SLC14A2: variants seen among roughly 807,000 people sequenced by gnomAD.
The protein encoded by SLC14A2 is solute carrier family 14 member 2.
SLC14A2 carries 91 observed loss-of-function variants against 104.6 expected under a neutral mutation model. That is an observed-to-expected ratio of 0.87 (90% CI 0.73 to 1.04). The LOEUF is 1.04. SLC14A2 is among the 50% of genes least tolerant of loss of function. The pLI is 0.00. For synonymous variants in SLC14A2, 476 were observed against 466.4 expected, an observed-to-expected ratio of 1.02 and a Z score of -0.27; for missense variants, 1,189 against 1,156.0, an observed-to-expected ratio of 1.03 and a Z score of -0.41.
chr18:45,379,370 T>C (rs1291328047), intron 1 of SLC14A2, among the ~76,000 whole-genome samples: 1 of 152,312 alleles, frequency 6.6e-6, no homozygotes, highest in South Asian at 2.1e-4. Flanking sequence ...TGAAAGTCTA[T>C]TTTCTCTTCT....
chr18:45,348,802 C>A (rs1228940227), intron 1 of SLC14A2, among the ~76,000 whole-genome samples: 1 of 152,202 alleles, frequency 6.6e-6, no homozygotes, highest in Non-Finnish European at 1.5e-5. Context: ...AAAGCAAAGA[C>A]TGATAGTTCA....
chr18:45,201,412 A>G, the SLC14A2 span, among the ~76,000 whole-genome samples: 3 of 152,084 alleles, frequency 2.0e-5, no homozygotes, highest in Non-Finnish European at 4.4e-5. Context: ...TTAATAACTC[A>G]TTTATATCGG....
At chr18:45,268,319 G>C (rs1004644360) in intron 1 of SLC14A2, among the ~76,000 whole-genome samples, 62 of 152,198 alleles carry the variant, frequency 4.1e-4, no homozygotes, top group African/African-American at 1.4e-3. Flanking sequence ...TATAGGAGAA[G>C]TAGAAGAAAG....
intron 1 of SLC14A2, among the ~76,000 whole-genome samples, chr18:45,277,412 AGTTT>A (rs1461436042): frequency 6.6e-6 from 1 of 152,182 alleles, no homozygotes; most frequent in Admixed American, 6.6e-5. Flanking sequence ...CATAGTAGTT[AGTTT>A]TTCTTTTTTT....
At chr18:45,480,707 T>A (rs2087475907) in intron 1 of SLC14A2, among the ~76,000 whole-genome samples, 1 of 152,210 alleles carries the variant, frequency 6.6e-6, no homozygotes, top group Admixed American at 6.5e-5. Flanking sequence ...CCTGGGGGCC[T>A]GCATGGGCTT....
At chr18:45,191,625 C>T in the SLC14A2 span, among the ~76,000 whole-genome samples, 2 of 152,174 alleles carry the variant, frequency 1.3e-5, no homozygotes, top group Admixed American at 1.3e-4. Flanking sequence ...CTTTTGTCTC[C>T]ACAAACTAGG....
At chr18:45,451,806 G>C (rs1278201911) in intron 1 of SLC14A2, among the ~76,000 whole-genome samples, 1 of 152,214 alleles carries the variant, frequency 6.6e-6, no homozygotes, top group East Asian at 1.9e-4. Flanking sequence ...TAAGAATTAT[G>C]GTTCAGCAAC....
intron 1 of SLC14A2, among the ~76,000 whole-genome samples, chr18:45,445,741 T>C (rs1026051930): frequency 6.6e-6 from 1 of 152,126 alleles, no homozygotes; most frequent in Non-Finnish European, 1.5e-5. Flanking sequence ...ACAGATGGAG[T>C]AGGCAGTTGC....
intron 2 of SLC14A2, among the ~76,000 whole-genome samples, chr18:45,599,955 C>T (rs926699921): frequency 1.3e-5 from 2 of 152,086 alleles, no homozygotes; most frequent in Admixed American, 6.5e-5. Context: ...CCCCATGAGT[C>T]ACCAGGTCCC....
chr18:45,387,418 A>G lies in SLC14A2; in HGVS notation c.-124-95815A>G, dbSNP rs563720961. Among the ~76,000 whole-genome samples the G allele has an allele frequency of 1.6e-3, 242 of 152,316 alleles. 2 individuals carry two copies. The highest frequency in any genetic ancestry group is 3.0e-3 in the Non-Finnish European group (204 of 68,014). Reference sequence around the variant, plus strand: ...CACAAGTAAGGAGAAACAGATATTTATGAGAATGACTGATGGTTACCACAC... The same window carrying G: ...CACAAGTAAGGAGAAACAGATATTTGTGAGAATGACTGATGGTTACCACAC... On this transcript the variant is annotated intron_variant, in intron 1 of 20. Transcript: ENST00000586448.
At chr18:45,232,505 A>G (rs75642971) in intron 1 of SLC14A2, among the ~76,000 whole-genome samples, 8,372 of 152,272 alleles carry the variant, frequency 0.055, 268 homozygotes, top group Middle Eastern at 0.071. Flanking sequence ...GAAAATAGTA[A>G]CTTGTCTATA....
At chr18:45,453,441 A>C (rs1177777869) in intron 1 of SLC14A2, among the ~76,000 whole-genome samples, 2 of 152,218 alleles carry the variant, frequency 1.3e-5, no homozygotes, top group African/African-American at 4.8e-5. Context: ...TTAATGTCAA[A>C]AATTTATGAT....
At chr18:45,289,245 A>T (rs8086788) in intron 1 of SLC14A2, among the ~76,000 whole-genome samples, 23,304 of 151,700 alleles carry the variant, frequency 0.15, 2,102 homozygotes, top group African/African-American at 0.24. Flanking sequence ...CTTTTTTACC[A>T]TTTTATTTTA....
chr18:45,369,766 C>A (rs557472606), intron 1 of SLC14A2, among the ~76,000 whole-genome samples: 1 of 152,144 alleles, frequency 6.6e-6, no homozygotes, highest in Non-Finnish European at 1.5e-5. Flanking sequence ...CAGTGCTAAG[C>A]TCTGAGAATA....
chr18:45,308,653 G>A (rs927102764), intron 1 of SLC14A2, among the ~76,000 whole-genome samples: 6 of 152,228 alleles, frequency 3.9e-5, no homozygotes, highest in Middle Eastern at 3.4e-3. Flanking sequence ...TGTCAGTGCC[G>A]CCTCCCTCCC....
intron 1 of SLC14A2, among the ~76,000 whole-genome samples, chr18:45,428,461 G>A (rs1219315592): frequency 6.6e-6 from 1 of 152,182 alleles, no homozygotes; most frequent in Non-Finnish European, 1.5e-5. Context: ...TATTGGAAGT[G>A]TGGAGGAGAG....
chr18:45,535,584 G>A (rs2043767869), intron 2 of SLC14A2, among the ~76,000 whole-genome samples: 1 of 152,180 alleles, frequency 6.6e-6, no homozygotes, highest in Non-Finnish European at 1.5e-5. Flanking sequence ...ATGGGGCTGG[G>A]ATTGAACCTA....
intron 1 of SLC14A2, among the ~76,000 whole-genome samples, chr18:45,409,419 C>T (rs1028185302): frequency 7.2e-5 from 11 of 152,106 alleles, no homozygotes; most frequent in Admixed American, 2.0e-4. Flanking sequence ...CTCTGCCTAC[C>T]GTAATCTTCA....
At chr18:45,320,750 T>A (rs1377299178) in intron 1 of SLC14A2, among the ~76,000 whole-genome samples, 1 of 152,222 alleles carries the variant, frequency 6.6e-6, no homozygotes, top group Non-Finnish European at 1.5e-5. Flanking sequence ...TTTATTATAC[T>A]ATTTTTGAAA....
Sources: allele counts gnomAD v4.1 joint callset (sites outside exome capture counted in the v4.1 genomes callset), GRCh38; gene constraint gnomAD v4.1.1; transcripts MANE v1.5; gene names NCBI Gene and HGNC (gene_info 2026-07-23, HGNC 2026-07-21).